The following TP63 variants were observed in gnomAD, a reference collection of about 807,000 sequenced individuals.
TP63 encodes the protein tumor protein p63, also known as tumor protein 63.
TP63 carries 17 observed loss-of-function variants against 82.8 expected under a neutral mutation model. That is an observed-to-expected ratio of 0.21 (90% CI 0.14 to 0.31). TP63 has a LOEUF of 0.31. Ranked by LOEUF, TP63 falls within the 10% of genes least tolerant of loss-of-function variation. TP63 has a pLI of 1.00. For missense variants in TP63, 648 were observed against 895.3 expected, an observed-to-expected ratio of 0.72 and a Z score of 3.52; for synonymous variants, 330 against 321.7, an observed-to-expected ratio of 1.03 and a Z score of -0.28.
intron 8 of TP63, 51 bp downstream of exon 8, chr3:189,868,767 T>C (rs1560280840): frequency 1.2e-6 from 2 of 1,612,374 alleles, no homozygotes; most frequent in Non-Finnish European, 1.7e-6. Flanking sequence ...TCTCCAGATG[T>C]TGGAGAATGG....
At chr3:189,834,921 CG>C (rs1480802789) in intron 4 of TP63, among the ~76,000 whole-genome samples, 1 of 135,474 alleles carries the variant, frequency 7.4e-6, no homozygotes, top group East Asian at 2.2e-4. Context: ...AAATGTCAAA[CG>C]GTACATTTTT....
chr3:189,708,894 C>G (rs182363313), intron 1 of TP63, among the ~76,000 whole-genome samples: 2 of 152,260 alleles, frequency 1.3e-5, no homozygotes, highest in African/African-American at 4.8e-5. Context: ...TGCTGGAACA[C>G]GAGAGTTAAG....
the TP63 span, among the ~76,000 whole-genome samples, chr3:189,602,374 C>CTT: frequency 4.6e-5 from 7 of 152,196 alleles, no homozygotes; most frequent in African/African-American, 1.7e-4. Flanking sequence ...AAAGCCCAGA[C>CTT]TTTCTGGGGT....
intron 4 of TP63, among the ~76,000 whole-genome samples, chr3:189,813,123 A>G (rs1366967136): frequency 6.6e-6 from 1 of 152,072 alleles, no homozygotes; most frequent in African/African-American, 2.4e-5. Context: ...TTCGTTCCTC[A>G]TTTTTAATCT....
chr3:189,721,565 G>C (rs1560134584), intron 1 of TP63, among the ~76,000 whole-genome samples: 1 of 152,048 alleles, frequency 6.6e-6, no homozygotes, highest in Middle Eastern at 3.2e-3. Flanking sequence ...CTGCTGAAGT[G>C]GGCGGCAGGA....
chr3:189,706,026 A>G (rs1175934652), intron 1 of TP63, among the ~76,000 whole-genome samples: 1 of 152,328 alleles, frequency 6.6e-6, no homozygotes, highest in East Asian at 1.9e-4. Flanking sequence ...TATGTCTAAT[A>G]AAGTGTGGAA....
chr3:189,854,693 A>G (rs1716073539), intron 4 of TP63, among the ~76,000 whole-genome samples: 1 of 152,250 alleles, frequency 6.6e-6, no homozygotes, highest in South Asian at 2.1e-4. Context: ...AGCTGCAAAC[A>G]CTAGCTGTGG....
chr3:189,733,008 G>A (rs1720285793), intron 1 of TP63, among the ~76,000 whole-genome samples: 1 of 152,162 alleles, frequency 6.6e-6, no homozygotes, highest in African/African-American at 2.4e-5. Flanking sequence ...GAAAGGCAGT[G>A]GGGTGGAGAT....
At chr3:189,662,936 T>C (rs906424674) in intron 1 of TP63, among the ~76,000 whole-genome samples, 1 of 152,112 alleles carries the variant, frequency 6.6e-6, no homozygotes, top group African/African-American at 2.4e-5. Context: ...GGGACTTATT[T>C]TTGTTTCTAT....
chr3:189,725,879 C>A (rs910919856), intron 1 of TP63, among the ~76,000 whole-genome samples: 1 of 152,132 alleles, frequency 6.6e-6, no homozygotes, highest in African/African-American at 2.4e-5. Context: ...CATGGTGAAA[C>A]CCCATCTCTA....
intron 1 of TP63, among the ~76,000 whole-genome samples, chr3:189,639,226 T>C (rs924391425): frequency 6.6e-6 from 1 of 152,172 alleles, no homozygotes; most frequent in African/African-American, 2.4e-5. Context: ...ACTCTGTCTA[T>C]GTAATTACAC....
At chr3:189,788,876 TAG>T (rs1284544099) in intron 3 of TP63, among the ~76,000 whole-genome samples, 1 of 151,630 alleles carries the variant, frequency 6.6e-6, no homozygotes, top group African/African-American at 2.4e-5. Flanking sequence ...GCAAAAATAT[TAG>T]TATAAACTGG....
chr3:189,869,639 GTTCTC>G (rs1175892129), intron 9 of TP63, among the ~76,000 whole-genome samples: 1 of 151,930 alleles, frequency 6.6e-6, no homozygotes, highest in Non-Finnish European at 1.5e-5. Context: ...TCTGGTGAGA[GTTCTC>G]TTCTGAGTTG....
At chr3:189,865,771 C>G (rs1444512665) in intron 5 of TP63, among the ~76,000 whole-genome samples, 4 of 152,212 alleles carry the variant, frequency 2.6e-5, no homozygotes, top group African/African-American at 9.6e-5. Context: ...TTTCACTTAA[C>G]AATCTGCCAT....
At chr3:189,748,508 C>CA (rs58926854) in intron 3 of TP63, among the ~76,000 whole-genome samples, 462 of 31,192 alleles carry the variant, frequency 0.015, 1 homozygote, top group African/African-American at 0.028. Context: ...AGGAAAACTA[C>CA]AAAAAAAAAA....
chr3:189,862,874 C>A (rs886794971), intron 4 of TP63, among the ~76,000 whole-genome samples: 2 of 152,210 alleles, frequency 1.3e-5, no homozygotes, highest in Non-Finnish European at 2.9e-5. Flanking sequence ...TGCGTCTAAT[C>A]CATGGCCTGC....
chr3:189,617,234 A>G, the TP63 span, among the ~76,000 whole-genome samples: 2 of 152,216 alleles, frequency 1.3e-5, no homozygotes, highest in Non-Finnish European at 2.9e-5. Context: ...GATGTAACGC[A>G]TACAGTGCAA....
rs980484999 is a variant in TP63 at position 189,895,561 on chromosome 3, C to T, written c.*1059C>T. On this transcript the variant is annotated 3_prime_UTR_variant, in exon 14 of 14. Transcript: ENST00000264731. The stretch of plus-strand genomic sequence containing the variant: ...AGTTCTAACAGTGAAGTTTTACTGT[C>T]TATTAATATTCAGGGTAAATAGGAA... 1 of 220,442 alleles carries T rather than the reference C, an allele frequency of 4.5e-6. No homozygotes were observed. The highest frequency in any genetic ancestry group is 2.2e-5 in the African/African-American group (1 of 44,628). 13.7% of individuals were successfully genotyped at this position (220,442 alleles called of 1,614,324 possible).
chr3:189,673,213 A>C (rs1440097317), intron 1 of TP63, among the ~76,000 whole-genome samples: 1 of 152,106 alleles, frequency 6.6e-6, no homozygotes, highest in Non-Finnish European at 1.5e-5. Context: ...ATTCTTCCAT[A>C]ATAATAACTC....
Sources: allele counts gnomAD v4.1 joint callset (sites outside exome capture counted in the v4.1 genomes callset), GRCh38; gene constraint gnomAD v4.1.1; transcripts MANE v1.5; gene names NCBI Gene and HGNC (gene_info 2026-07-23, HGNC 2026-07-21).